Variants in MCOLN1 observed in about 807,000 individuals in gnomAD.
The protein encoded by MCOLN1 is mucolipin-1.
Under a neutral mutation model 70.3 loss-of-function variants are expected in MCOLN1, and 50 were observed. The observed-to-expected ratio is 0.71, with a 90% CI of 0.57 to 0.90. MCOLN1 has a LOEUF of 0.90. Ranked by LOEUF, MCOLN1 falls within the 40% of genes least tolerant of loss-of-function variation. MCOLN1 has a pLI of 0.00. For missense variants in MCOLN1, 598 were observed against 803.5 expected, an observed-to-expected ratio of 0.74 and a Z score of 3.09; for synonymous variants, 366 against 341.0, an observed-to-expected ratio of 1.07 and a Z score of -0.81.
chr19:7,529,040 T>A, intron 9 of MCOLN1, 61 bp from the exon 10 acceptor site: 1 of 1,612,806 alleles, frequency 6.2e-7, no homozygotes, highest in South Asian at 1.1e-5. Context: ...GGCCATATCC[T>A]CCCCCAGGCC....
Position 7,524,020 on chromosome 19 carries a change from T to C in MCOLN1, c.32-941T>C, listed in dbSNP as rs2022532503. 6.6e-6 allele frequency among the ~76,000 whole-genome samples: 1 copy of C among 152,006 alleles called. No individual in the cohort carries two copies. Among genetic ancestry groups the C allele is most frequent in the South Asian group, 2.1e-4 (1 of 4,830 alleles). On this transcript the variant is annotated intron_variant, in intron 1 of 13. Transcript: ENST00000264079. This position sits in a 1 kb window ranked among gnomAD's most constrained non-coding sequence, Gnocchi z 4.1. ...AACTACGGGCATGAGCCGTCACACCTGACTATTTAAAAAAAATGTTTTTTT... is the reference window on the plus strand; with the variant it reads ...AACTACGGGCATGAGCCGTCACACCCGACTATTTAAAAAAAATGTTTTTTT...
intron 10 of MCOLN1, 149 bp from the exon 11 acceptor site, chr19:7,529,441 C>T (rs2022621954): frequency 9.3e-7 from 1 of 1,078,248 alleles, no homozygotes; most frequent in Non-Finnish European, 1.4e-6. Context: ...TCAGACGTGG[C>T]CACGCCCCCT....
chr19:7,533,938 C>A lies in MCOLN1; in HGVS notation c.*143C>A, dbSNP rs931701334. The A allele has an allele frequency of 3.2e-6, 3 of 937,348 alleles. No individual in the cohort carries two copies. The highest frequency in any genetic ancestry group is 3.4e-6 in the Non-Finnish European group (2 of 596,532). 58.1% of individuals were successfully genotyped at this position (937,348 alleles called of 1,614,324 possible). A position where few individuals can be genotyped will look rare whatever the true frequency, so the allele number is the denominator to read the frequency against. ...GGGCCTGGACCTTTCGTGTCGGACCCTTGGGGGCGGGGAGACTGGGTGGGG... is the reference window on the plus strand; with the variant it reads ...GGGCCTGGACCTTTCGTGTCGGACCATTGGGGGCGGGGAGACTGGGTGGGG... On this transcript the variant is annotated 3_prime_UTR_variant, in exon 14 of 14. Coordinates refer to ENST00000264079, the MANE Select transcript of MCOLN1 (RefSeq NM_020533.3).
chr19:7,529,501 G>GCGGC, intron 10 of MCOLN1, 89 bp from the exon 11 acceptor site: 39 of 747,238 alleles, frequency 5.2e-5, no homozygotes, highest in East Asian at 8.7e-5. Context: ...CCTCGGCAAG[G>GCGGC]CCCCGCCCCT....
intron 9 of MCOLN1, 61 bp downstream of exon 9, chr19:7,529,031 G>A (rs772484189): frequency 1.0e-4 from 162 of 1,613,552 alleles, no homozygotes; most frequent in Non-Finnish European, 1.3e-4. Flanking sequence ...CCTATCCGGG[G>A]CCATATCCTC....
intron 4 of MCOLN1, 127 bp from the exon 5 acceptor site, chr19:7,527,393 G>A: frequency 1.4e-6 from 1 of 722,876 alleles, no homozygotes; most frequent in Non-Finnish European, 2.5e-6. Context: ...CAGGCCCAGA[G>A]AGTGCCAGGC....
intron 12 of MCOLN1, among the ~76,000 whole-genome samples, chr19:7,532,693 C>T (rs375382986): frequency 3.3e-5 from 5 of 152,086 alleles, no homozygotes; most frequent in African/African-American, 4.8e-5. Flanking sequence ...CCAACGTGGG[C>T]GAGAGACCGA....
rs1463807468 is a variant in MCOLN1, at chr19:7,526,791, C to T, written c.436C>T (p.Arg146Trp). The stretch of plus-strand genomic sequence containing the variant: ...GGCGTTGCCTGACGTGTCACTGGGC[C>T]GGTATGCGTATGTCCGTGGTGGGGG... ...YLALPDVSLG[R>W]YAYVRGGGDP... Residue 146 changes from arginine to tryptophan, a missense_variant, in exon 4 of 14, where the codon CGG becomes TGG. Arg to Trp is a moderately radical substitution (Grantham distance 101). This residue lies in a region of MCOLN1 where 461 missense variants were observed against 588.4 expected (regional missense o/e 0.78). Transcript: ENST00000264079. The surrounding 1 kb of genome is among the most constrained non-coding windows in gnomAD (Gnocchi z 4.6). 9.9e-6 allele frequency: 16 copies of T among 1,614,090 alleles called. No individual in the cohort carries two copies. Among genetic ancestry groups the T allele is most frequent in the East Asian group, 2.2e-5 (1 of 44,884 alleles).
Position 7,526,028 on chromosome 19 carries a change from C to T in MCOLN1, c.238-411C>T, listed in dbSNP as rs774509510. On this transcript the variant is annotated intron_variant, in intron 2 of 13. Coordinates refer to ENST00000264079, the MANE Select transcript of MCOLN1 (RefSeq NM_020533.3). The surrounding 1 kb of genome is among the most constrained non-coding windows in gnomAD (Gnocchi z 4.6). ...AGTGAGCTGAGATCATACCATGGCA[C>T]TCCAACTTGGGCAACAGAGTGAGAC... The T allele has an allele frequency of 2.3e-5, 7 of 308,526 alleles. No individual in the cohort carries two copies. The highest frequency in any genetic ancestry group is 4.4e-5 in the Non-Finnish European group (7 of 158,222). 19.1% of individuals were successfully genotyped at this position (308,526 alleles called of 1,614,324 possible).
At chr19:7,530,830 A>G (rs1004395892) in intron 12 of MCOLN1, among the ~76,000 whole-genome samples, 1 of 150,616 alleles carries the variant, frequency 6.6e-6, no homozygotes, top group African/African-American at 2.4e-5. Flanking sequence ...TGCAACCTCC[A>G]CCTCCCGGGT....
At position 7,526,781 on chromosome 19, in the gene MCOLN1, G is replaced by T; in HGVS notation, c.426G>T (p.Val142=). ...AVDQYLALPD[V]SLGRYAYVRG... ...CACAGTACCTGGCGTTGCCTGACGT[G>T]TCACTGGGCCGGTATGCGTATGTCC... Residue 142 remains valine (V), a synonymous_variant, in exon 4 of 14, where the codon GTG becomes GTT. Transcript: ENST00000264079. The surrounding 1 kb of genome is among the most constrained non-coding windows in gnomAD (Gnocchi z 4.6). 1 of 1,614,090 alleles carries T rather than the reference G, an allele frequency of 6.2e-7. No homozygotes were observed. The highest frequency in any genetic ancestry group is 8.5e-7 in the Non-Finnish European group (1 of 1,180,024).
At position 7,533,706 on chromosome 19, in the gene MCOLN1, G is replaced by A. The variant is rs555810500; in HGVS notation, c.1706+53G>A. The A allele has an allele frequency of 1.1e-5, 17 of 1,614,194 alleles. No individual in the cohort carries two copies. The South Asian group carries it at 1.2e-4, about 11-fold the overall frequency. ...GATTGGAGGTTAGGGAATGGGGAAA[G>A]GGGAGCGAGCCAGAGAAAACTGACG... On this transcript the variant is annotated intron_variant, in intron 13 of 13. Coordinates refer to ENST00000264079, the MANE Select transcript of MCOLN1 (RefSeq NM_020533.3).
At position 7,525,554 on chromosome 19, in the gene MCOLN1, G is replaced by T; in HGVS notation, c.237+388G>T. 3.5e-6 allele frequency: 1 copy of T among 283,244 alleles called. No individual in the cohort carries two copies. Among genetic ancestry groups the T allele is most frequent in the Non-Finnish European group, 6.9e-6 (1 of 145,470 alleles). The allele number at this position is 283,244 out of a possible 1,614,324, so 17.5% of individuals were successfully genotyped here. On this transcript the variant is annotated intron_variant, in intron 2 of 13. Coordinates refer to ENST00000264079, the MANE Select transcript of MCOLN1 (RefSeq NM_020533.3). The surrounding 1 kb of genome is among the most constrained non-coding windows in gnomAD (Gnocchi z 4.2). ...TAGGAGACTTGCCCAAAGTCACACA[G>T]CAATAGAACATTGGGAGCTGGGATT...
chr19:7,525,081 G>A lies in MCOLN1; in HGVS notation c.152G>A (p.Ser51Asn). The A allele has an allele frequency of 6.2e-7, 1 of 1,614,132 alleles. No homozygotes were observed. Among genetic ancestry groups the A allele is most frequent in the South Asian group, 1.1e-5 (1 of 91,090 alleles). ...LRRRLKYFFM[S>N]PCDKFRAKGR... ...CGTCGTCTCAAATACTTTTTCATGA[G>A]TCCCTGCGACAAGTTTCGAGCCAAG... The change falls in exon 2 of 14, where the codon AGT (serine) becomes AAT (asparagine). Residue 51 changes from serine (S) to asparagine (N), a missense_variant. Physicochemically the swap from Ser to Asn is conservative, Grantham distance 46. Around this residue, in one of 3 missense-constraint regions of MCOLN1, gnomAD observed 461 missense variants for 588.4 expected, o/e 0.78. Transcript: ENST00000264079. The surrounding 1 kb of genome is among the most constrained non-coding windows in gnomAD (Gnocchi z 4.2).
chr19:7,524,486 G>A lies in MCOLN1; in HGVS notation c.32-475G>A, dbSNP rs1253934695. On this transcript the variant is annotated intron_variant, in intron 1 of 13. Coordinates refer to ENST00000264079, the MANE Select transcript of MCOLN1 (RefSeq NM_020533.3). The surrounding 1 kb of genome is among the most constrained non-coding windows in gnomAD (Gnocchi z 4.1). Reference sequence around the variant, plus strand: ...GTTCTATGCTCATGTCTGGAAGCTGGAGTTGGGATAAGCCCAGCAGGCTTG... The same window carrying A: ...GTTCTATGCTCATGTCTGGAAGCTGAAGTTGGGATAAGCCCAGCAGGCTTG... Among the ~76,000 whole-genome samples, 1 of 152,174 alleles carries A rather than the reference G, an allele frequency of 6.6e-6. No homozygotes were observed. Among genetic ancestry groups the A allele is most frequent in the Admixed American group, 6.5e-5 (1 of 15,276 alleles).
rs1236431601 is a variant in MCOLN1 at position 7,526,667 on chromosome 19, TTGGGCGGGCAGGTGCTGG to T, written c.405+77_406-61del. 1.3e-5 allele frequency: 21 copies of T among 1,578,696 alleles called. No homozygotes were observed. Among genetic ancestry groups the T allele is most frequent in the African/African-American group, 5.7e-5 (4 of 70,212 alleles). ...GGTGCAGGTGGGCGGGCAGGTGCAGTTGGGCGGGCAGGTGCTGGTGGGCGGGCAGGTGCAGGTGGGTGG... is the reference window on the plus strand; with the variant it reads ...GGTGCAGGTGGGCGGGCAGGTGCAGTTGGGCGGGCAGGTGCAGGTGGGTGG... On this transcript the variant is annotated intron_variant, in intron 3 of 13. Transcript: ENST00000264079. This position sits in a 1 kb window ranked among gnomAD's most constrained non-coding sequence, Gnocchi z 4.6.
In MCOLN1 at chr19:7,525,376, C is replaced by T. The variant is rs2022554610; in HGVS notation, c.237+210C>T. On this transcript the variant is annotated intron_variant, in intron 2 of 13. Coordinates refer to ENST00000264079, the MANE Select transcript of MCOLN1 (RefSeq NM_020533.3). The surrounding 1 kb of genome is among the most constrained non-coding windows in gnomAD (Gnocchi z 4.2). ...GTGCGTGGTGGCGGGTGCCTGTAAT[C>T]CCAGCTACTTGGCAGGCTGAGGCAG... 1.9e-6 allele frequency: 1 copy of T among 531,862 alleles called. No homozygotes were observed. Among genetic ancestry groups the T allele is most frequent in the African/African-American group, 1.9e-5 (1 of 52,508 alleles). 32.9% of individuals were successfully genotyped at this position (531,862 alleles called of 1,614,324 possible). A position where few individuals can be genotyped will look rare whatever the true frequency, so the allele number is the denominator to read the frequency against.
At chr19:7,523,176 A>T (rs2022519629) in intron 1 of MCOLN1, among the ~76,000 whole-genome samples, 1 of 152,188 alleles carries the variant, frequency 6.6e-6, no homozygotes, top group South Asian at 2.1e-4. Flanking sequence ...ATTCCAGGGG[A>T]CAAATGCTCA....
rs1302719039 is a variant in MCOLN1 at position 7,524,023 on chromosome 19, CTATT to C, written c.32-935_32-932del. Among the ~76,000 whole-genome samples, 3 of 151,856 alleles carry C rather than the reference CTATT, an allele frequency of 2.0e-5. No individual in the cohort carries two copies. The highest frequency in any genetic ancestry group is 4.8e-5 in the African/African-American group (2 of 41,314). On this transcript the variant is annotated intron_variant, in intron 1 of 13. Transcript: ENST00000264079. This position sits in a 1 kb window ranked among gnomAD's most constrained non-coding sequence, Gnocchi z 4.1. ...TACGGGCATGAGCCGTCACACCTGACTATTTAAAAAAAATGTTTTTTTTTTGTAG... is the reference window on the plus strand; with the variant it reads ...TACGGGCATGAGCCGTCACACCTGACTAAAAAAAATGTTTTTTTTTTGTAG...
Sources: gnomAD v4.1 joint callset for allele counts (sites outside exome capture counted in the v4.1 genomes callset) on GRCh38, gnomAD v4.1.1 for gene constraint, gnomAD v4.1.1 regional missense constraint, Gnocchi (gnomAD v3.1) non-coding constraint, MANE v1.5 for transcripts, NCBI Gene and HGNC (gene_info 2026-07-23, HGNC 2026-07-21) for gene names.